Variants in NEB observed in about 807,000 individuals in gnomAD.
The protein encoded by NEB is nemaline myopathy type 2.
Under a neutral mutation model 952.2 loss-of-function variants are expected in NEB, and 512 were observed. The observed-to-expected ratio is 0.54, with a 90% CI of 0.50 to 0.58. NEB has a LOEUF of 0.58. Ranked by LOEUF, NEB falls within the 20% of genes least tolerant of loss-of-function variation. NEB has a pLI of 0.00. For missense variants in NEB, 8,428 were observed against 9,231.1 expected (o/e 0.91, Z 3.56); for synonymous variants, 2,900 against 3,149.8 (o/e 0.92, Z 2.66).
At chr2:151,554,218 A>G (rs6731486) in intron 125 of NEB, among the ~76,000 whole-genome samples, 193 bp from the exon 126 acceptor site, 46,625 of 152,010 alleles carry the variant, frequency 0.31, 7,505 homozygotes, top group East Asian at 0.44. Context: ...CTGAAATAAT[A>G]TGTAGCTTCT....
chr2:151,715,691 C>A (rs543252190), intron 10 of NEB, among the ~76,000 whole-genome samples: 1 of 152,340 alleles, frequency 6.6e-6, no homozygotes, highest in Admixed American at 6.5e-5. Context: ...CTCCCAGCCT[C>A]CAGAACTGTG....
At chr2:151,501,634 T>G (rs1004341809) in intron 167 of NEB, among the ~76,000 whole-genome samples, 151 bp from the exon 168 acceptor site, 2 of 152,150 alleles carry the variant, frequency 1.3e-5, no homozygotes, top group East Asian at 1.9e-4. Flanking sequence ...TAACTATAGA[T>G]CCCCTTTGGA....
intron 77 of NEB, among the ~76,000 whole-genome samples, chr2:151,612,974 T>A (rs2098052809): frequency 2.0e-5 from 3 of 152,206 alleles, no homozygotes. Context: ...AGTAAACAAA[T>A]ACATTTTTTC....
chr2:151,731,867 A>G (rs991587428), intron 3 of NEB, among the ~76,000 whole-genome samples: 1 of 152,210 alleles, frequency 6.6e-6, no homozygotes, highest in African/African-American at 2.4e-5. Flanking sequence ...CCTTAGGTAC[A>G]TAAGTAAAAT....
chr2:151,682,832 A>T (rs1157476229), intron 28 of NEB, 63 bp from the exon 29 acceptor site: 2 of 1,397,686 alleles, frequency 1.4e-6, no homozygotes, highest in African/African-American at 2.9e-5. Flanking sequence ...TAAAATCATC[A>T]AAGTTTTACC....
chr2:151,490,417 G>A lies in NEB; in HGVS notation c.25252C>T (p.His8418Tyr). Residue 8418 changes from histidine (H) to tyrosine (Y), a missense_variant, in exon 180 of 182, where the codon CAC (histidine) becomes TAC (tyrosine). Physicochemically the swap from His to Tyr is moderately conservative, Grantham distance 83. Coordinates refer to ENST00000397345, the MANE Select transcript of NEB (RefSeq NM_001164508.2). ...KSEHSEAPDH[H>Y]LSTYSDGGVF... ...CCCCCGTCGCTGTAAGTCGAAAGGTGGTGGTCTGGTGCTTCTGAATGCTCA... is the reference window on the plus strand; with the variant it reads ...CCCCCGTCGCTGTAAGTCGAAAGGTAGTGGTCTGGTGCTTCTGAATGCTCA... The A allele has an allele frequency of 6.3e-7, 1 of 1,598,990 alleles. No individual in the cohort carries two copies. The highest frequency in any genetic ancestry group is 1.1e-5 in the South Asian group (1 of 88,164).
chr2:151,684,696 T>G, intron 28 of NEB, 82 bp downstream of exon 28: 6 of 1,314,594 alleles, frequency 4.6e-6, no homozygotes, highest in Non-Finnish European at 6.2e-6. Context: ...CTCTAAGAAG[T>G]GCAAAAACCT....
intron 56 of NEB, 125 bp downstream of exon 56, chr2:151,644,343 T>C (rs1010380098): frequency 1.9e-6 from 2 of 1,080,752 alleles, no homozygotes; most frequent in Non-Finnish European, 1.3e-6. Flanking sequence ...CCACACTGCA[T>C]GGGATCATTT....
intron 171 of NEB, chr2:151,497,278 G>A: frequency 1.1e-6 from 1 of 919,380 alleles, no homozygotes; most frequent in African/African-American, 1.8e-5. Context: ...AGTTATCCAT[G>A]TTATTTTTTT....
In NEB at chr2:151,690,728, T is replaced by C; in HGVS notation, c.2309A>G (p.Asp770Gly). The C allele has an allele frequency of 6.3e-7, 1 of 1,582,124 alleles. No homozygotes were observed. The highest frequency in any genetic ancestry group is 8.6e-7 in the Non-Finnish European group (1 of 1,162,170). The change falls in exon 24 of 182, where the codon GAT becomes GGT. Residue 770 changes from aspartate (D) to glycine (G), a missense_variant and splice_region_variant. By Grantham distance (94) the Asp-to-Gly change is moderately conservative. Around this residue, in one of 11 missense-constraint regions of NEB, gnomAD observed 2,851 missense variants for 2,791.5 expected, o/e 1.02. Transcript: ENST00000397345. ...GCTTGCATAAATCAAAGCACTTACA[T>C]CACTAAGCTGTTTCGTGTTGAGCTG... ...QAQLNTKQLS[D>G]LNYKAKHEGE...
rs746587041 is a variant in NEB at position 151,697,469 on chromosome 2, A to C, written c.1258-12T>G. ...TCTTTATATTTTTTCTGCAAGACAA[A>C]ACATACTTCATTTATTAATTGGTGA... On this transcript the variant is annotated splice_polypyrimidine_tract_variant and intron_variant, in intron 14 of 181. Coordinates refer to ENST00000397345, the MANE Select transcript of NEB (RefSeq NM_001164508.2). The C allele has an allele frequency of 9.9e-6, 16 of 1,609,208 alleles. No homozygotes were observed. Among genetic ancestry groups the C allele is most frequent in the African/African-American group, 1.3e-5 (1 of 74,722 alleles).
intron 145 of NEB, 44 bp from the exon 146 acceptor site, chr2:151,529,358 G>T: frequency 8.4e-7 from 1 of 1,184,188 alleles, no homozygotes; most frequent in Non-Finnish European, 1.3e-6. Flanking sequence ...TTTTATAGCA[G>T]CATACTGAGC....
rs757157808 is a variant in NEB at position 151,519,070 on chromosome 2, C to G, written c.22591-1G>C. 6 of 1,593,750 alleles carry G rather than the reference C, an allele frequency of 3.8e-6. No homozygotes were observed. The South Asian group carries it at 6.6e-5, about 18-fold the overall frequency. ...TCTTCAGGTCAGCCTTGTATTTAAC[C>G]TGTGTGTTATGGGGGAAGAAAGGAA... On this transcript the variant is annotated splice_acceptor_variant, in intron 154 of 181. Transcript: ENST00000397345. LOFTEE classifies it high-confidence loss of function.
chr2:151,618,244 C>T (rs770391229), intron 74 of NEB, 31 bp downstream of exon 74: 15 of 1,582,974 alleles, frequency 9.5e-6, no homozygotes, highest in Admixed American at 1.7e-5. Context: ...TGGTAACTTT[C>T]GGTATCTAAC....
chr2:151,570,941 G>A (rs1043817273), intron 107 of NEB, among the ~76,000 whole-genome samples: 1 of 152,138 alleles, frequency 6.6e-6, no homozygotes, highest in Non-Finnish European at 1.5e-5. Flanking sequence ...AGTCACATGA[G>A]GATAACTGGG....
At chr2:151,733,559 G>A (rs2099813827) in intron 2 of NEB, among the ~76,000 whole-genome samples, 153 bp downstream of exon 2, 1 of 152,076 alleles carries the variant, frequency 6.6e-6, no homozygotes. Flanking sequence ...GGTTTCAGAA[G>A]AAGCTGAAAT....
At chr2:151,491,652 T>A in intron 179 of NEB, 31 bp downstream of exon 179, 1 of 1,485,752 alleles carries the variant, frequency 6.7e-7, no homozygotes, top group Non-Finnish European at 9.2e-7. Context: ...ATGGTGATGT[T>A]TATGTTGTAA....
intron 27 of NEB, among the ~76,000 whole-genome samples, chr2:151,686,519 T>C (rs915150303): frequency 2.0e-5 from 3 of 152,214 alleles, no homozygotes; most frequent in African/African-American, 7.2e-5. Flanking sequence ...GAGCACTATA[T>C]ACTGACATAA....
chr2:151,654,083 C>A lies in NEB; in HGVS notation c.6824G>T (p.Gly2275Val), dbSNP rs769170175. Residue 2275 changes from glycine to valine, a missense_variant, in exon 52 of 182, where the codon GGA becomes GTA. Gly to Val is a moderately radical substitution (Grantham distance 109). Transcript: ENST00000397345. ...TLYSQKLYKLGWEEALKKGYD... is the reference protein window; with the variant it reads ...TLYSQKLYKLVWEEALKKGYD... ...GCCTTTCTTCAAAGCTTCTTCCCAT[C>A]CAAGTTTATAGAGTTTCTGAAAATT... The A allele has an allele frequency of 6.2e-7, 1 of 1,605,592 alleles. No homozygotes were observed.
Sources: allele counts gnomAD v4.1 joint callset (sites outside exome capture counted in the v4.1 genomes callset), GRCh38; gene constraint gnomAD v4.1.1; regional missense constraint gnomAD v4.1.1; transcripts MANE v1.5; gene names NCBI Gene and HGNC (gene_info 2026-07-23, HGNC 2026-07-21).